TAF12: variants seen among roughly 807,000 people sequenced by gnomAD.
TAF12 encodes transcription initiation factor TFIID subunit 12.
In TAF12, 3 loss-of-function variants were observed where a neutral mutation model predicts 20.8. The observed-to-expected ratio is 0.14, with a 90% CI of 0.07 to 0.37. TAF12 has a LOEUF of 0.37. TAF12 is among the 10% of genes least tolerant of loss of function. The pLI is 1.00. For synonymous variants in TAF12, 69 were observed against 70.2 expected (o/e 0.98, Z 0.09); for missense variants, 131 against 197.9 (o/e 0.66, Z 2.03).
chr1:28,646,592 A>G (rs1668191144), upstream of TAF12, among the ~76,000 whole-genome samples: 1 of 152,038 alleles, frequency 6.6e-6, no homozygotes, highest in East Asian at 1.9e-4. Context: ...GTGCAATGGC[A>G]CAGTCTCGGC....
chr1:28,617,888 C>T, intron 3 of TAF12, 65 bp downstream of exon 3: 1 of 1,498,308 alleles, frequency 6.7e-7, no homozygotes, highest in Non-Finnish European at 9.3e-7. Context: ...CCTGTTTGTG[C>T]TCTTAACCAC....
chr1:28,633,124 G>GGGATTACAGGGATTAATTACA, intron 1 of TAF12, among the ~76,000 whole-genome samples: 1 of 149,722 alleles, frequency 6.7e-6, no homozygotes, highest in African/African-American at 2.5e-5. Flanking sequence ...GCCTCCCAAA[G>GGGATTACAGGGATTAATTACA]TGCTGGGATT....
At chr1:28,626,569 G>A (rs1252126076) in intron 1 of TAF12, among the ~76,000 whole-genome samples, 2 of 121,712 alleles carry the variant, frequency 1.6e-5, no homozygotes, top group African/African-American at 3.2e-5. Context: ...CAACAAGAGT[G>A]AAACTCTGTC....
intron 1 of TAF12, among the ~76,000 whole-genome samples, chr1:28,638,927 G>A (rs914477719): frequency 3.3e-5 from 5 of 150,706 alleles, no homozygotes; most frequent in South Asian, 2.1e-4. Flanking sequence ...AAGTAGCTGC[G>A]ACTATAGGCG....
At chr1:28,641,140 A>G (rs1169645657) in intron 1 of TAF12, among the ~76,000 whole-genome samples, 1 of 151,160 alleles carries the variant, frequency 6.6e-6, no homozygotes, top group Non-Finnish European at 1.5e-5. Context: ...CAATACAGTA[A>G]CAACACTCAA....
upstream of TAF12, chr1:28,643,356 T>A (rs935480331): frequency 5.8e-5 from 9 of 154,604 alleles, no homozygotes; most frequent in Non-Finnish European, 1.3e-4. Flanking sequence ...GCATGACGGG[T>A]AATTGACGCC....
intron 1 of TAF12, among the ~76,000 whole-genome samples, chr1:28,628,547 C>A (rs1160948507): frequency 6.6e-6 from 1 of 150,410 alleles, no homozygotes. Context: ...TTACGGGATA[C>A]AAAAATGATC....
chr1:28,635,661 C>T (rs1267298708), intron 1 of TAF12, among the ~76,000 whole-genome samples: 2 of 152,002 alleles, frequency 1.3e-5, no homozygotes, highest in Non-Finnish European at 2.9e-5. Flanking sequence ...GCCCTAATTG[C>T]TTCCCTTTAA....
intron 1 of TAF12, among the ~76,000 whole-genome samples, chr1:28,641,775 C>G (rs9426295): frequency 0.22 from 29,227 of 131,516 alleles, 3,650 homozygotes; most frequent in Middle Eastern, 0.37. Context: ...GACTGGGCGA[C>G]AGAGAGAGAA....
chr1:28,611,677 T>A (rs1308605928), intron 4 of TAF12, among the ~76,000 whole-genome samples: 1 of 152,116 alleles, frequency 6.6e-6, no homozygotes, highest in Admixed American at 6.6e-5. Context: ...AAGAATAGAT[T>A]CTTCCCTAGG....
chr1:28,626,581 C>CAAA (rs549427311), intron 1 of TAF12, among the ~76,000 whole-genome samples: 1 of 60,298 alleles, frequency 1.7e-5, no homozygotes, highest in Non-Finnish European at 3.3e-5. Context: ...AACTCTGTCT[C>CAAA]AAAAAAAAAA....
chr1:28,633,164 C>CTTTT (rs769194043), intron 1 of TAF12, among the ~76,000 whole-genome samples: 1 of 117,562 alleles, frequency 8.5e-6, no homozygotes, highest in Non-Finnish European at 1.8e-5. Flanking sequence ...GCCCGGCCTA[C>CTTTT]TTTTTTTTTT....
Position 28,618,037 on chromosome 1 carries a change from T to G in TAF12, c.169-7A>C, listed in dbSNP as rs754817013. The G allele has an allele frequency of 2.0e-5, 32 of 1,610,782 alleles. No individual in the cohort carries two copies. The highest frequency in any genetic ancestry group is 2.6e-5 in the Non-Finnish European group (31 of 1,178,158). The stretch of plus-strand genomic sequence containing the variant: ...ATTTCTTCTTGGTCAATACCTAAAG[T>G]TAATTGGAAGAAGACTTTTCAACCA... On this transcript the variant is annotated splice_region_variant and splice_polypyrimidine_tract_variant and intron_variant, in intron 2 of 5. Coordinates refer to ENST00000373824, the MANE Select transcript of TAF12 (RefSeq NM_005644.4).
chr1:28,626,657 T>G (rs1667406737), intron 1 of TAF12, among the ~76,000 whole-genome samples: 2 of 149,980 alleles, frequency 1.3e-5, no homozygotes, highest in African/African-American at 2.5e-5. Flanking sequence ...GCTTGTAATC[T>G]CAGTACTTTG....
At chr1:28,632,366 G>A (rs1374022302) in intron 1 of TAF12, among the ~76,000 whole-genome samples, 1 of 152,110 alleles carries the variant, frequency 6.6e-6, no homozygotes, top group Non-Finnish European at 1.5e-5. Flanking sequence ...AACCTGGGAG[G>A]CGGAGGTTGC....
At chr1:28,639,223 C>T (rs1667953790) in intron 1 of TAF12, among the ~76,000 whole-genome samples, 1 of 151,470 alleles carries the variant, frequency 6.6e-6, no homozygotes, top group Non-Finnish European at 1.5e-5. Context: ...TCGAGACAAG[C>T]CTGGCCAACA....
intron 4 of TAF12, among the ~76,000 whole-genome samples, chr1:28,608,175 C>CAAAA (rs58747974): frequency 7.8e-5 from 5 of 63,730 alleles, no homozygotes; most frequent in African/African-American, 1.1e-4. Context: ...ACTAAAAATA[C>CAAAA]AAAAAAAAAA....
At chr1:28,632,175 C>T (rs1036024417) in intron 1 of TAF12, among the ~76,000 whole-genome samples, 10 of 152,134 alleles carry the variant, frequency 6.6e-5, no homozygotes, top group African/African-American at 2.2e-4. Flanking sequence ...CAGTGGCTCA[C>T]ATCTGCAATC....
At chr1:28,635,245 T>A (rs1471308648) in intron 1 of TAF12, among the ~76,000 whole-genome samples, 25 of 129,942 alleles carry the variant, frequency 1.9e-4, no homozygotes, top group Non-Finnish European at 2.0e-4. Flanking sequence ...AATAAATAAA[T>A]AAATAAAAAA....
Sources: allele counts gnomAD v4.1 joint callset (sites outside exome capture counted in the v4.1 genomes callset), GRCh38; gene constraint gnomAD v4.1.1; transcripts MANE v1.5; gene names NCBI Gene and HGNC (gene_info 2026-07-23, HGNC 2026-07-21).